Variants in SNTB2 observed in about 807,000 individuals in gnomAD.
The protein encoded by SNTB2 is syntrophin beta 2.
In SNTB2, 34 loss-of-function variants were observed where a neutral mutation model predicts 46.2. That is an observed-to-expected ratio of 0.74 (90% CI 0.56 to 0.98). The LOEUF (loss-of-function observed/expected upper bound fraction) is 0.98. Among genes scored for constraint, SNTB2 ranks in the 50% least tolerant of loss-of-function variants. SNTB2 has a pLI of 0.00. For synonymous variants in SNTB2, 290 were observed against 312.6 expected, an observed-to-expected ratio of 0.93 and a Z score of 0.76; for missense variants, 603 against 731.4, an observed-to-expected ratio of 0.82 and a Z score of 2.02.
At chr16:69,295,306 C>G (rs559788684) in intron 5 of SNTB2, among the ~76,000 whole-genome samples, 1 of 136,708 alleles carries the variant, frequency 7.3e-6, no homozygotes, top group Non-Finnish European at 1.5e-5. Context: ...TACAGTGGCC[C>G]GATCTTGATC....
chr16:69,231,759 A>T (rs936409228), intron 1 of SNTB2, among the ~76,000 whole-genome samples: 4 of 152,212 alleles, frequency 2.6e-5, no homozygotes, highest in African/African-American at 9.6e-5. Flanking sequence ...CTATATGGCA[A>T]TTTCCACAGG....
intron 1 of SNTB2, among the ~76,000 whole-genome samples, chr16:69,217,726 C>T (rs1333612204): frequency 2.0e-5 from 3 of 152,224 alleles, no homozygotes; most frequent in Middle Eastern, 3.4e-3. Flanking sequence ...GGGTTTTTAG[C>T]CATGGCTTTG....
At position 69,237,603 on chromosome 16, in the gene SNTB2, C is replaced by CTTTTTTT. The variant is rs397706857; in HGVS notation, c.581-7988_581-7982dup. ...TTTTTTTTTCTTTCTTTCTTTCTTT[C>CTTTTTTT]TTTTTTTTTTTTTTTTTGAGGCAGA... On this transcript the variant is annotated intron_variant, in intron 1 of 6. Transcript: ENST00000336278. 2.7e-3 allele frequency among the ~76,000 whole-genome samples: 324 copies of CTTTTTTT among 118,686 alleles called. 2 individuals carry two copies. The highest frequency in any genetic ancestry group is 6.7e-3 in the African/African-American group (202 of 30,038). The allele number at this position is 118,686 out of a possible 152,430, so 77.9% of individuals were successfully genotyped here.
At chr16:69,199,787 G>GA (rs775113329) in intron 1 of SNTB2, among the ~76,000 whole-genome samples, 26 of 151,146 alleles carry the variant, frequency 1.7e-4, no homozygotes, top group African/African-American at 2.4e-4. Flanking sequence ...AATGAAAATT[G>GA]AAAAAAAAGG....
intron 2 of SNTB2, among the ~76,000 whole-genome samples, chr16:69,256,925 T>C (rs1284326960): frequency 6.6e-6 from 1 of 152,182 alleles, no homozygotes; most frequent in Non-Finnish European, 1.5e-5. Context: ...ATACCAGCAC[T>C]TTGGGAGACC....
At chr16:69,265,214 A>G (rs1354300696) in intron 3 of SNTB2, among the ~76,000 whole-genome samples, 1 of 152,128 alleles carries the variant, frequency 6.6e-6, no homozygotes, top group African/African-American at 2.4e-5. Flanking sequence ...GCGCCACTGC[A>G]CTCCAGCCTG....
intron 2 of SNTB2, among the ~76,000 whole-genome samples, chr16:69,250,576 A>G (rs1000391005): frequency 1.3e-5 from 2 of 152,166 alleles, no homozygotes; most frequent in Admixed American, 6.6e-5. Flanking sequence ...CTGCTCAACT[A>G]TGTACTTTAG....
intron 1 of SNTB2, among the ~76,000 whole-genome samples, chr16:69,242,455 T>C (rs1380400594): frequency 6.6e-6 from 1 of 151,980 alleles, no homozygotes; most frequent in Non-Finnish European, 1.5e-5. Flanking sequence ...TTGAACAAGG[T>C]CTCAGAATAA....
chr16:69,273,311 A>G (rs1456806887), intron 4 of SNTB2, among the ~76,000 whole-genome samples: 2 of 152,264 alleles, frequency 1.3e-5, no homozygotes, highest in African/African-American at 4.8e-5. Context: ...CACAATAGCC[A>G]AAGAGTGGAA....
chr16:69,283,320 A>T (rs1965068161), intron 4 of SNTB2, among the ~76,000 whole-genome samples: 1 of 152,202 alleles, frequency 6.6e-6, no homozygotes, highest in Admixed American at 6.5e-5. Flanking sequence ...TCATTTGCAA[A>T]CAAAGACAGT....
At chr16:69,189,352 G>C (rs1964026540) in intron 1 of SNTB2, among the ~76,000 whole-genome samples, 1 of 152,014 alleles carries the variant, frequency 6.6e-6, no homozygotes, top group Non-Finnish European at 1.5e-5. Context: ...CTAAGCATTT[G>C]GTTATAAATT....
intron 2 of SNTB2, among the ~76,000 whole-genome samples, chr16:69,258,049 CTG>C (rs1964795546): frequency 6.6e-6 from 1 of 152,194 alleles, no homozygotes; most frequent in African/African-American, 2.4e-5. Context: ...GGTTTAGAAA[CTG>C]ACAAAAGAGC....
At chr16:69,239,113 C>A (rs889779347) in intron 1 of SNTB2, among the ~76,000 whole-genome samples, 1 of 152,178 alleles carries the variant, frequency 6.6e-6, no homozygotes, top group African/African-American at 2.4e-5. Flanking sequence ...CTAACACTGT[C>A]TCCCTGGCTG....
At chr16:69,196,376 CTTTTTTT>C (rs533787609) in intron 1 of SNTB2, among the ~76,000 whole-genome samples, 2 of 134,640 alleles carry the variant, frequency 1.5e-5, no homozygotes, top group African/African-American at 2.8e-5. Context: ...TTTTCTTTTT[CTTTTTTT>C]TTTTTTTTTG....
chr16:69,294,562 GAA>G (rs1252982250), intron 5 of SNTB2, among the ~76,000 whole-genome samples: 3 of 140,664 alleles, frequency 2.1e-5, no homozygotes, highest in Admixed American at 7.1e-5. Context: ...TATCTCTACT[GAA>G]AAAAAAAAAA....
rs1964662784 is a variant in SNTB2, at chr16:69,245,605, A to G, written c.584A>G (p.Lys195Arg). Residue 195 changes from lysine to arginine, a missense_variant, in exon 2 of 7, where the codon AAG becomes AGG. Lys to Arg is a conservative substitution (Grantham distance 26, BLOSUM62 2). Coordinates refer to ENST00000336278, the MANE Select transcript of SNTB2 (RefSeq NM_006750.4). ...TCTTTGATTTTTTTGTTCATAGTCAAGTTCATCCGAGAAGTAACACCATAT... is the reference window on the plus strand; with the variant it reads ...TCTTTGATTTTTTTGTTCATAGTCAGGTTCATCCGAGAAGTAACACCATAT... Reference protein sequence around the residue: ...RAGKEVLLEVKFIREVTPYIK... With the variant: ...RAGKEVLLEVRFIREVTPYIK... 6.2e-7 allele frequency: 1 copy of G among 1,613,842 alleles called. No homozygotes were observed. Among genetic ancestry groups the G allele is most frequent in the East Asian group, 2.2e-5 (1 of 44,882 alleles).
At chr16:69,232,650 T>A (rs2152295117) in intron 1 of SNTB2, among the ~76,000 whole-genome samples, 1 of 151,358 alleles carries the variant, frequency 6.6e-6, no homozygotes, top group South Asian at 2.1e-4. Context: ...TAGCTGGGAC[T>A]ACAGGCGTGC....
intron 2 of SNTB2, among the ~76,000 whole-genome samples, chr16:69,256,967 C>T (rs1266434184): frequency 2.6e-5 from 4 of 151,976 alleles, no homozygotes; most frequent in African/African-American, 9.7e-5. Context: ...GTCAGGAGTT[C>T]GAGACCAGCC....
At chr16:69,283,932 A>G (rs532530192) in intron 4 of SNTB2, 116 bp from the exon 5 acceptor site, 4 of 924,508 alleles carry the variant, frequency 4.3e-6, no homozygotes, top group East Asian at 2.4e-5. Context: ...TGAAATGTCT[A>G]TATCCAAAAA....
Sources: allele counts gnomAD v4.1 joint callset (sites outside exome capture counted in the v4.1 genomes callset), GRCh38; gene constraint gnomAD v4.1.1; transcripts MANE v1.5; gene names NCBI Gene and HGNC (gene_info 2026-07-23, HGNC 2026-07-21).